The following SNCAIP variants were observed in gnomAD, a reference collection of about 807,000 sequenced individuals.
SNCAIP encodes the protein synphilin-1.
A neutral mutation model predicts 86.7 loss-of-function variants in SNCAIP; 43 were observed. That is an observed-to-expected ratio of 0.50 (90% confidence interval 0.39 to 0.64). The LOEUF is 0.64. SNCAIP is among the 30% of genes least tolerant of loss of function. SNCAIP has a pLI of 0.00. For synonymous variants in SNCAIP, 417 were observed against 427.2 expected (o/e 0.98, Z 0.29); for missense variants, 981 against 1,103.1 (o/e 0.89, Z 1.57).
In SNCAIP at chr5:122,331,662, C is replaced by T. The variant is rs115861680; in HGVS notation, c.-47+19378C>T. Among the ~76,000 whole-genome samples, 209 of 152,306 alleles carry T rather than the reference C, an allele frequency of 1.4e-3. 1 individual carries two copies. The highest frequency in any genetic ancestry group is 4.6e-3 in the African/African-American group (191 of 41,562). On this transcript the variant is annotated intron_variant, in intron 1 of 10. Transcript: ENST00000261368. ...TCAGGTGAGGGCCCACTTTCTAGTT[C>T]GTAGCTGCTGCCTTCTTCTGTGTCC...
intron 1 of SNCAIP, among the ~76,000 whole-genome samples, chr5:122,374,890 A>G (rs528672520): frequency 1.4e-4 from 22 of 152,236 alleles, no homozygotes; most frequent in African/African-American, 3.9e-4. Context: ...TGTTTTTGAA[A>G]TGCTTCCCCA....
intron 10 of SNCAIP, among the ~76,000 whole-genome samples, chr5:122,453,164 T>G (rs1186104194): frequency 6.6e-6 from 1 of 152,142 alleles, no homozygotes; most frequent in African/African-American, 2.4e-5. Flanking sequence ...TAATGGTAAC[T>G]AGGTCTTAGG....
intron 6 of SNCAIP, among the ~76,000 whole-genome samples, 171 bp downstream of exon 6, chr5:122,432,253 AC>A (rs1778560931): frequency 6.6e-6 from 1 of 152,170 alleles, no homozygotes; most frequent in Admixed American, 6.6e-5. Context: ...AAAGTTTACA[AC>A]AACCTAAATA....
At chr5:122,330,528 C>G (rs926163160) in intron 1 of SNCAIP, among the ~76,000 whole-genome samples, 1 of 152,118 alleles carries the variant, frequency 6.6e-6, no homozygotes, top group African/African-American at 2.4e-5. Context: ...AGAAAATTTG[C>G]CTAGTTTTAT....
Position 122,423,744 on chromosome 5 carries a change from G to A in SNCAIP, c.1002+5G>A, listed in dbSNP as rs1440995081. ...GAAGGACAGATCTCTCTCCTGGTAA[G>A]TATAATCTAGTTCAGTATACATGTC... On this transcript the variant is annotated splice_donor_5th_base_variant and intron_variant, in intron 4 of 10. Coordinates refer to ENST00000261368, the MANE Select transcript of SNCAIP (RefSeq NM_005460.4). 3 of 1,598,708 alleles carry A rather than the reference G, an allele frequency of 1.9e-6. No homozygotes were observed. Among genetic ancestry groups the A allele is most frequent in the Admixed American group, 3.3e-5 (2 of 59,968 alleles).
intron 8 of SNCAIP, among the ~76,000 whole-genome samples, chr5:122,448,501 T>C (rs1177959026): frequency 1.3e-5 from 2 of 149,476 alleles, no homozygotes; most frequent in Non-Finnish European, 1.5e-5. Context: ...ATTTTTTAAT[T>C]CAAACAATTT....
chr5:122,388,812 A>G (rs1442015450), intron 1 of SNCAIP: 1 of 152,260 alleles, frequency 6.6e-6, no homozygotes, highest in Non-Finnish European at 1.5e-5. Context: ...AAATTGGATC[A>G]TGAACAGAAT....
At chr5:122,374,929 CA>C (rs1764984977) in intron 1 of SNCAIP, among the ~76,000 whole-genome samples, 1 of 152,044 alleles carries the variant, frequency 6.6e-6, no homozygotes, top group South Asian at 2.1e-4. Flanking sequence ...GGTAGGTGTG[CA>C]GTGTTCAGTT....
chr5:122,338,655 A>G (rs952973319), intron 1 of SNCAIP, among the ~76,000 whole-genome samples: 2 of 152,212 alleles, frequency 1.3e-5, no homozygotes, highest in Non-Finnish European at 2.9e-5. Context: ...TATTGACTAT[A>G]TGAAATCAAA....
intron 5 of SNCAIP, among the ~76,000 whole-genome samples, chr5:122,431,686 ATTATATT>A (rs1016526781): frequency 8.5e-5 from 13 of 152,178 alleles, no homozygotes; most frequent in Non-Finnish European, 1.2e-4. Flanking sequence ...ACTTTAAAAG[ATTATATT>A]TTATAGTATA....
intron 6 of SNCAIP, chr5:122,437,152 A>G (rs1779683709): frequency 6.6e-6 from 1 of 152,222 alleles, no homozygotes; most frequent in Non-Finnish European, 1.5e-5. Context: ...TGACTGAGAG[A>G]ACACACACTG....
chr5:122,339,132 A>C (rs1464500029), intron 1 of SNCAIP, among the ~76,000 whole-genome samples: 1 of 152,158 alleles, frequency 6.6e-6, no homozygotes, highest in Non-Finnish European at 1.5e-5. Context: ...TTGGGAATGC[A>C]ATGCCAGTTT....
At chr5:122,370,009 C>T (rs1360839368) in intron 1 of SNCAIP, 1 of 152,108 alleles carries the variant, frequency 6.6e-6, no homozygotes, top group African/African-American at 2.4e-5. Context: ...CTTTCCTTTT[C>T]TGTGAACTGG....
In SNCAIP at chr5:122,450,525, C is replaced by T; in HGVS notation, c.1686-8C>T. The T allele has an allele frequency of 6.2e-7, 1 of 1,602,702 alleles. No individual in the cohort carries two copies. The highest frequency in any genetic ancestry group is 8.5e-7 in the Non-Finnish European group (1 of 1,169,626). On this transcript the variant is annotated splice_region_variant and splice_polypyrimidine_tract_variant and intron_variant, in intron 9 of 10. Coordinates refer to ENST00000261368, the MANE Select transcript of SNCAIP (RefSeq NM_005460.4). ...AATCATCTCATATGTCCTTCATCTT[C>T]TTTTTAGTTCACCATCCTCACCTGC...
At chr5:122,430,987 A>T (rs911893926) in intron 5 of SNCAIP, among the ~76,000 whole-genome samples, 1 of 152,148 alleles carries the variant, frequency 6.6e-6, no homozygotes, top group Non-Finnish European at 1.5e-5. Flanking sequence ...CCCTTAATGA[A>T]ATTTTTAATT....
chr5:122,451,644 G>T (rs1448721545), intron 10 of SNCAIP, 43 bp downstream of exon 10: 1 of 1,340,358 alleles, frequency 7.5e-7, no homozygotes, highest in Non-Finnish European at 1.1e-6. Context: ...CCTTCAAATG[G>T]ATTATGTTGT....
chr5:122,398,376 A>G (rs534358898), intron 2 of SNCAIP, among the ~76,000 whole-genome samples: 156 of 152,304 alleles, frequency 1.0e-3, no homozygotes, highest in African/African-American at 3.6e-3. Flanking sequence ...GGAAGGGACA[A>G]TGGAACACAG....
chr5:122,457,325 T>C (rs932630466), intron 10 of SNCAIP, among the ~76,000 whole-genome samples: 8 of 152,150 alleles, frequency 5.3e-5, no homozygotes, highest in African/African-American at 1.9e-4. Flanking sequence ...TTCTAAGCCC[T>C]GAACGGAAGT....
chr5:122,440,054 G>C (rs1561775423), intron 6 of SNCAIP, among the ~76,000 whole-genome samples: 1 of 152,112 alleles, frequency 6.6e-6, no homozygotes, highest in Non-Finnish European at 1.5e-5. Context: ...AGAGGGTCCT[G>C]GTTTTATTTC....
Sources: gnomAD v4.1 joint callset for allele counts (sites outside exome capture counted in the v4.1 genomes callset) on GRCh38, gnomAD v4.1.1 for gene constraint, MANE v1.5 for transcripts, NCBI Gene and HGNC (gene_info 2026-07-23, HGNC 2026-07-21) for gene names.